Variants in DYM observed in about 807,000 individuals in gnomAD.
The protein encoded by DYM is dyggve-Melchior-Clausen syndrome protein.
DYM carries 78 observed loss-of-function variants against 93.1 expected under a neutral mutation model. The observed-to-expected ratio is 0.84, with a 90% CI of 0.70 to 1.01. The LOEUF is 1.01. DYM is among the 50% of genes least tolerant of loss of function. The pLI, the probability that DYM is intolerant of heterozygous loss-of-function variation, is 0.00. For synonymous variants in DYM, 321 were observed against 319.7 expected (o/e 1.00, Z -0.04); for missense variants, 789 against 845.0 (o/e 0.93, Z 0.82).
Position 49,043,456 on chromosome 18 carries a change from G to A in DYM, c.*599C>T, listed in dbSNP as rs1284696008. ...ATATTCTTTTTTAAGAAAAGATGCA[G>A]AGGTGTTAAATATTAATATCAAATT... On this transcript the variant is annotated 3_prime_UTR_variant, in exon 18 of 18. Coordinates refer to ENST00000675505, the MANE Select transcript of DYM (RefSeq NM_001353214.3). 2.0e-5 allele frequency: 3 copies of A among 152,680 alleles called. No individual in the cohort carries two copies. Among genetic ancestry groups the A allele is most frequent in the Non-Finnish European group, 2.9e-5 (2 of 68,434 alleles). The allele number at this position is 152,680 out of a possible 1,614,324, so 9.5% of individuals were successfully genotyped here. A position where few individuals can be genotyped will look rare whatever the true frequency, so the allele number is the denominator to read the frequency against.
chr18:49,065,205 G>C (rs1465351089), intron 17 of DYM, among the ~76,000 whole-genome samples: 2 of 151,928 alleles, frequency 1.3e-5, no homozygotes, highest in Non-Finnish European at 2.9e-5. Flanking sequence ...AGAAGGCTTG[G>C]GTCTTGATTT....
At chr18:49,163,448 T>C (rs1300274789) in intron 15 of DYM, among the ~76,000 whole-genome samples, 1 of 152,092 alleles carries the variant, frequency 6.6e-6, no homozygotes. Context: ...CGGATTCAAG[T>C]GATTCTCCTG....
intron 8 of DYM, among the ~76,000 whole-genome samples, chr18:49,312,984 C>A (rs1027796484): frequency 6.6e-6 from 1 of 152,112 alleles, no homozygotes; most frequent in African/African-American, 2.4e-5. Flanking sequence ...TATGTACATG[C>A]ACTTGTAATT....
Position 49,043,980 on chromosome 18 carries a change from C to T in DYM, c.*75G>A. 1 of 1,558,836 alleles carries T rather than the reference C, an allele frequency of 6.4e-7. No homozygotes were observed. The highest frequency in any genetic ancestry group is 1.4e-5 in the African/African-American group (1 of 73,562). On this transcript the variant is annotated 3_prime_UTR_variant, in exon 18 of 18. Transcript: ENST00000675505. ...ATACACCAAGTAACCTGTCTGTCTA[C>T]TTCTGTTACCCAGAAATAAAAGAAC...
intron 15 of DYM, among the ~76,000 whole-genome samples, chr18:49,120,831 T>C (rs957495974): frequency 3.3e-5 from 5 of 152,190 alleles, no homozygotes; most frequent in Admixed American, 2.6e-4. Flanking sequence ...AATTTTTTTT[T>C]GACTCAGGGT....
intron 16 of DYM, among the ~76,000 whole-genome samples, chr18:49,117,612 C>T (rs933824102): frequency 6.6e-5 from 10 of 151,998 alleles, no homozygotes; most frequent in African/African-American, 2.4e-4. Context: ...TGCAAATATC[C>T]AATCTCTAAC....
At chr18:49,248,387 C>T (rs778267000) in intron 13 of DYM, among the ~76,000 whole-genome samples, 2 of 151,990 alleles carry the variant, frequency 1.3e-5, no homozygotes. Flanking sequence ...TGTTATAATA[C>T]TATAATAGAG....
chr18:49,328,957 C>T (rs76604796), intron 8 of DYM, among the ~76,000 whole-genome samples: 12,190 of 152,136 alleles, frequency 0.08, 771 homozygotes, highest in East Asian at 0.31. Flanking sequence ...GATTATAAAT[C>T]ATGCTACTAT....
chr18:49,318,967 A>AT (rs887466724), intron 8 of DYM, among the ~76,000 whole-genome samples: 165 of 144,174 alleles, frequency 1.1e-3, no homozygotes, highest in Middle Eastern at 7.0e-3. Flanking sequence ...CGCCCAACTA[A>AT]TTTTTTTTTT....
chr18:49,045,938 G>C (rs1348149220), intron 17 of DYM, among the ~76,000 whole-genome samples: 1 of 152,170 alleles, frequency 6.6e-6, no homozygotes, highest in Non-Finnish European at 1.5e-5. Context: ...TCACAGCGGG[G>C]AGAACTGGAG....
intron 17 of DYM, among the ~76,000 whole-genome samples, chr18:49,063,619 CTTTTTTTT>C (rs67482709): frequency 1.3e-4 from 9 of 71,986 alleles, no homozygotes; most frequent in South Asian, 1.2e-3. Flanking sequence ...CTTTCTCTCT[CTTTTTTTT>C]TTTTTTTTTT....
At chr18:49,082,712 C>T (rs1438526924) in intron 17 of DYM, among the ~76,000 whole-genome samples, 3 of 152,306 alleles carry the variant, frequency 2.0e-5, no homozygotes, top group Middle Eastern at 3.4e-3. Context: ...CAAAGAAAGA[C>T]AGGAAGTGGC....
intron 13 of DYM, among the ~76,000 whole-genome samples, chr18:49,216,067 T>C (rs1166248453): frequency 1.3e-5 from 2 of 152,142 alleles, no homozygotes; most frequent in South Asian, 2.1e-4. Context: ...GCTTTTCCGA[T>C]GGGCTTAAAA....
At chr18:49,212,758 A>C (rs2092843021) in intron 13 of DYM, among the ~76,000 whole-genome samples, 1 of 152,164 alleles carries the variant, frequency 6.6e-6, no homozygotes, top group South Asian at 2.1e-4. Context: ...TGGCCTTCCA[A>C]AGTGTTGAGA....
At chr18:49,227,245 C>T (rs1467977749) in intron 13 of DYM, among the ~76,000 whole-genome samples, 1 of 152,066 alleles carries the variant, frequency 6.6e-6, no homozygotes, top group East Asian at 1.9e-4. Context: ...AAAAACTGAG[C>T]TCTAAGTTAT....
chr18:49,184,802 A>C (rs2090285622), intron 14 of DYM, among the ~76,000 whole-genome samples: 1 of 152,204 alleles, frequency 6.6e-6, no homozygotes, highest in African/African-American at 2.4e-5. Context: ...TTTAGACTAC[A>C]TTTGATTGTG....
intron 1 of DYM, among the ~76,000 whole-genome samples, chr18:49,434,809 T>A (rs866540674): frequency 6.6e-6 from 1 of 151,490 alleles, no homozygotes; most frequent in Admixed American, 6.6e-5. Context: ...CTAAAAAAAA[T>A]TTTTTAATTA....
intron 6 of DYM, among the ~76,000 whole-genome samples, chr18:49,340,232 G>A (rs1039012264): frequency 7.9e-5 from 12 of 151,898 alleles, no homozygotes; most frequent in Non-Finnish European, 1.6e-4. Flanking sequence ...GATTACAAGC[G>A]TGAGCCACTG....
intron 5 of DYM, among the ~76,000 whole-genome samples, chr18:49,378,144 A>G (rs2067689385): frequency 6.6e-6 from 1 of 152,218 alleles, no homozygotes; most frequent in Non-Finnish European, 1.5e-5. Context: ...CCCAGAAGCT[A>G]TTGCTGCACG....
Sources: allele counts gnomAD v4.1 joint callset (sites outside exome capture counted in the v4.1 genomes callset), GRCh38; gene constraint gnomAD v4.1.1; transcripts MANE v1.5; gene names NCBI Gene and HGNC (gene_info 2026-07-23, HGNC 2026-07-21).